The following TMEM131L variants were observed in gnomAD, a reference collection of about 807,000 sequenced individuals.
The protein encoded by TMEM131L is transmembrane 131 like.
Under a neutral mutation model 192.2 loss-of-function variants are expected in TMEM131L, and 54 were observed. That is an observed-to-expected ratio of 0.28 (90% confidence interval 0.23 to 0.35). TMEM131L has a LOEUF of 0.35. Ranked by LOEUF, TMEM131L falls within the 10% of genes least tolerant of loss-of-function variation. The probability of loss-of-function intolerance (pLI) is 1.00; values close to 1 mark genes in which losing one functional copy is unlikely to be tolerated. For missense variants in TMEM131L, 1,888 were observed against 1,972.9 expected, an observed-to-expected ratio of 0.96 and a Z score of 0.82; for synonymous variants, 701 against 704.9, an observed-to-expected ratio of 0.99 and a Z score of 0.09.
At chr4:153,491,271 G>C (rs1306747249) in intron 3 of TMEM131L, among the ~76,000 whole-genome samples, 2 of 152,148 alleles carry the variant, frequency 1.3e-5, no homozygotes, top group Non-Finnish European at 2.9e-5. Context: ...ACTAATAGAA[G>C]GGAAGAGAGT....
chr4:153,519,563 T>C lies in TMEM131L; in HGVS notation c.240-30510T>C, dbSNP rs28670705. On this transcript the variant is annotated intron_variant, in intron 3 of 34. Coordinates refer to ENST00000409959, the MANE Select transcript of TMEM131L (RefSeq NM_001131007.2). ...ACTCTATTTGCCATCACATATAGAA[T>C]GTGGAGAATGACCAAGCAATCTTAA... Among the ~76,000 whole-genome samples the C allele has an allele frequency of 7.2e-3, 1,096 of 152,286 alleles. 13 individuals carry two copies. Among genetic ancestry groups the C allele is most frequent in the African/African-American group, 0.025 (1,043 of 41,548 alleles).
chr4:153,499,485 G>A (rs1171983069), intron 3 of TMEM131L, among the ~76,000 whole-genome samples: 1 of 150,728 alleles, frequency 6.6e-6, no homozygotes, highest in Non-Finnish European at 1.5e-5. Context: ...GGAGTGCAGT[G>A]GCACAATCTC....
At chr4:153,504,591 T>A (rs1733862565) in intron 3 of TMEM131L, among the ~76,000 whole-genome samples, 1 of 152,136 alleles carries the variant, frequency 6.6e-6, no homozygotes, top group African/African-American at 2.4e-5. Context: ...TCTGGCCACT[T>A]GTTCTTTATG....
intron 28 of TMEM131L, among the ~76,000 whole-genome samples, chr4:153,622,560 A>T (rs541920855): frequency 6.6e-6 from 1 of 152,214 alleles, no homozygotes; most frequent in African/African-American, 2.4e-5. Flanking sequence ...AGAGGGGGAA[A>T]ATCACCTATG....
chr4:153,603,614 T>G (rs1447352999), intron 24 of TMEM131L, 162 bp downstream of exon 24: 2 of 974,876 alleles, frequency 2.1e-6, no homozygotes, highest in Non-Finnish European at 3.0e-6. Flanking sequence ...TATTATGAGA[T>G]AGTCTCCATG....
chr4:153,541,586 G>C (rs892854119), intron 3 of TMEM131L, among the ~76,000 whole-genome samples: 5 of 152,190 alleles, frequency 3.3e-5, no homozygotes, highest in African/African-American at 9.6e-5. Flanking sequence ...CACGGGATGA[G>C]GCCTGGTACA....
chr4:153,600,971 G>A (rs978636693), intron 21 of TMEM131L, among the ~76,000 whole-genome samples: 19 of 152,024 alleles, frequency 1.2e-4, no homozygotes, highest in Admixed American at 7.2e-4. Flanking sequence ...TTAGCTGGGC[G>A]TGGTGGCACA....
chr4:153,544,198 C>T lies in TMEM131L; in HGVS notation c.240-5875C>T, dbSNP rs577986612. On this transcript the variant is annotated intron_variant, in intron 3 of 34. Coordinates refer to ENST00000409959, the MANE Select transcript of TMEM131L (RefSeq NM_001131007.2). ...ATCAAGAGATGGATGAAACCCAGTT[C>T]GCTGAGGAATATGGAAACCCAGACA... 6.6e-5 allele frequency among the ~76,000 whole-genome samples: 10 copies of T among 152,324 alleles called. No individual in the cohort carries two copies. In the East Asian group the frequency reaches 1.3e-3, roughly 21 times the overall value.
At chr4:153,622,865 TC>T in intron 28 of TMEM131L, 32 bp from the exon 29 acceptor site, 1 of 1,609,068 alleles carries the variant, frequency 6.2e-7, no homozygotes, top group Non-Finnish European at 8.5e-7. Flanking sequence ...GACAGTTGTT[TC>T]AGGGAAACAT....
intron 2 of TMEM131L, among the ~76,000 whole-genome samples, chr4:153,469,314 G>GACACACACAC (rs201245535): frequency 0.25 from 36,631 of 148,688 alleles, 4,718 homozygotes; most frequent in South Asian, 0.36. Context: ...GGGTAAGGGA[G>GACACACACAC]ACACACACAC....
At chr4:153,490,980 C>T (rs1323199235) in intron 3 of TMEM131L, among the ~76,000 whole-genome samples, 1 of 149,492 alleles carries the variant, frequency 6.7e-6, no homozygotes, top group African/African-American at 2.5e-5. Flanking sequence ...AAAAAGAAAG[C>T]CTAAAACCCA....
rs111414711 is a variant in TMEM131L, at chr4:153,577,862, G to A, written c.661-2964G>A. ...CACACAGCAAAGGTGGCCAGGTTGG[G>A]GTGTGTGAAGATTCAGGTGGATGCC... is the stretch of plus-strand genomic sequence containing the variant. On this transcript the variant is annotated intron_variant, in intron 7 of 34. Coordinates refer to ENST00000409959, the MANE Select transcript of TMEM131L (RefSeq NM_001131007.2). 1.6e-3 allele frequency among the ~76,000 whole-genome samples: 246 copies of A among 152,316 alleles called. 2 individuals are homozygous for A. Among genetic ancestry groups the A allele is most frequent in the African/African-American group, 5.6e-3 (233 of 41,572 alleles).
At chr4:153,627,476 T>C in intron 30 of TMEM131L, 129 bp from the exon 31 acceptor site, 2 of 648,672 alleles carry the variant, frequency 3.1e-6, no homozygotes, top group Admixed American at 2.7e-5. Context: ...TATCTGTATG[T>C]TTCTTCCCCA....
chr4:153,505,750 C>A (rs981946338), intron 3 of TMEM131L, among the ~76,000 whole-genome samples: 1 of 151,976 alleles, frequency 6.6e-6, no homozygotes, highest in East Asian at 1.9e-4. Context: ...AGTTGAGCAG[C>A]GAAATCATAC....
At chr4:153,515,256 C>T (rs1734652376) in intron 3 of TMEM131L, among the ~76,000 whole-genome samples, 1 of 152,196 alleles carries the variant, frequency 6.6e-6, no homozygotes, top group South Asian at 2.1e-4. Flanking sequence ...TGCCCCTGGC[C>T]ACCACTCCAT....
chr4:153,589,079 G>C, intron 16 of TMEM131L, 72 bp downstream of exon 16: 2 of 807,346 alleles, frequency 2.5e-6, no homozygotes, highest in Non-Finnish European at 2.1e-6. Flanking sequence ...CCTTACCTGC[G>C]GGGACACATT....
intron 7 of TMEM131L, among the ~76,000 whole-genome samples, chr4:153,562,907 ATAG>A (rs1229430352): frequency 2.0e-5 from 3 of 152,364 alleles, no homozygotes; most frequent in Admixed American, 6.5e-5. Flanking sequence ...GACTAAGATG[ATAG>A]TAGTAATTTA....
chr4:153,466,522 G>A lies in TMEM131L; in HGVS notation c.124+1G>A. ...CGCCCGGGAGGGGCTCAGGGACAAG[G>A]TCAGCCTTGCGCCGCTGGGCTCGCT... is the stretch of plus-strand genomic sequence containing the variant. On this transcript the variant is annotated splice_donor_variant, in intron 1 of 34. Transcript: ENST00000409959. LOFTEE classifies it high-confidence loss of function. 7.3e-7 allele frequency: 1 copy of A among 1,372,234 alleles called. No homozygotes were observed. Among genetic ancestry groups the A allele is most frequent in the Non-Finnish European group, 9.5e-7 (1 of 1,055,084 alleles). The allele number at this position is 1,372,234 out of a possible 1,614,324, so 85.0% of individuals were successfully genotyped here.
rs184383281 is a variant in TMEM131L, at chr4:153,535,416, T to A, written c.240-14657T>A. Reference sequence around the variant, plus strand: ...TGGGGTGGTGTTTACAGCCTTCACGTTGGATCAGATAAGCATTGAGTCATT... The same window carrying A: ...TGGGGTGGTGTTTACAGCCTTCACGATGGATCAGATAAGCATTGAGTCATT... On this transcript the variant is annotated intron_variant, in intron 3 of 34. Coordinates refer to ENST00000409959, the MANE Select transcript of TMEM131L (RefSeq NM_001131007.2). Among the ~76,000 whole-genome samples, 3 of 152,128 alleles carry A rather than the reference T, an allele frequency of 2.0e-5. No individual in the cohort carries two copies. In the East Asian group the frequency reaches 5.8e-4, roughly 29 times the overall value.
Sources: gnomAD v4.1 joint callset for allele counts (sites outside exome capture counted in the v4.1 genomes callset) on GRCh38, gnomAD v4.1.1 for gene constraint, MANE v1.5 for transcripts, NCBI Gene and HGNC (gene_info 2026-07-23, HGNC 2026-07-21) for gene names.